The following TGFBR3 variants were observed in gnomAD, a reference collection of about 807,000 sequenced individuals.
The protein encoded by TGFBR3 is transforming growth factor beta receptor type 3.
Under a neutral mutation model 87.9 loss-of-function variants are expected in TGFBR3, and 46 were observed. The ratio of observed to expected loss-of-function variants is 0.52; its 90% CI spans 0.41 to 0.67. The LOEUF (loss-of-function observed/expected upper bound fraction) is 0.67, where lower values mean the gene tolerates loss of function less well. Ranked by LOEUF, TGFBR3 falls within the 30% of genes least tolerant of loss-of-function variation. TGFBR3 has a pLI of 0.00. For synonymous variants in TGFBR3, 381 were observed against 391.6 expected (o/e 0.97, Z 0.32); for missense variants, 866 against 1,041.9 (o/e 0.83, Z 2.32).
At chr1:91,807,386 T>C (rs1055909154) in intron 2 of TGFBR3, among the ~76,000 whole-genome samples, 2 of 152,232 alleles carry the variant, frequency 1.3e-5, no homozygotes, top group Admixed American at 1.3e-4. Context: ...AAGCAAAATC[T>C]ACATCCAAAC....
At chr1:91,720,685 A>G (rs1672339028) in intron 8 of TGFBR3, among the ~76,000 whole-genome samples, 1 of 152,242 alleles carries the variant, frequency 6.6e-6, no homozygotes, top group South Asian at 2.1e-4. Context: ...CCAATGGAAC[A>G]GACAGTTTCT....
At chr1:91,706,291 A>G (rs117462503) in intron 14 of TGFBR3, among the ~76,000 whole-genome samples, 1,645 of 152,306 alleles carry the variant, frequency 0.011, 54 homozygotes, top group East Asian at 0.096. Context: ...GTCACAAGAT[A>G]CAGGTCATAA....
chr1:91,712,934 T>C (rs1672034331), intron 12 of TGFBR3, among the ~76,000 whole-genome samples: 1 of 152,248 alleles, frequency 6.6e-6, no homozygotes, highest in African/African-American at 2.4e-5. Context: ...AGTACAACAC[T>C]TATAAGCTAA....
At chr1:91,844,236 T>C (rs766039279) in intron 2 of TGFBR3, among the ~76,000 whole-genome samples, 1 of 152,240 alleles carries the variant, frequency 6.6e-6, no homozygotes, top group Non-Finnish European at 1.5e-5. Flanking sequence ...ACTTTAGCAA[T>C]AGCCTTAGTT....
intron 2 of TGFBR3, among the ~76,000 whole-genome samples, chr1:91,837,801 G>A (rs1677116090): frequency 7.4e-6 from 1 of 134,836 alleles, no homozygotes; most frequent in Non-Finnish European, 1.7e-5. Context: ...TAATAATCAT[G>A]AAAACTTCTA....
At chr1:91,700,157 T>G (rs921991733) in intron 14 of TGFBR3, among the ~76,000 whole-genome samples, 6 of 152,184 alleles carry the variant, frequency 3.9e-5, no homozygotes, top group African/African-American at 1.4e-4. Context: ...AAATAAAAAA[T>G]AATCACTATC....
intron 3 of TGFBR3, among the ~76,000 whole-genome samples, chr1:91,782,906 C>T (rs1307715177): frequency 3.3e-5 from 5 of 152,186 alleles, no homozygotes; most frequent in Non-Finnish European, 4.4e-5. Flanking sequence ...TCCACGTAAA[C>T]GGGTCCACAG....
chr1:91,689,573 G>A (rs2810890), intron 16 of TGFBR3, among the ~76,000 whole-genome samples: 138,621 of 152,258 alleles, frequency 0.91, 63,236 homozygotes, highest in South Asian at 0.94. Context: ...AAGAAAAACC[G>A]AAACACATGT....
chr1:91,771,975 G>A (rs544035568), intron 3 of TGFBR3, among the ~76,000 whole-genome samples: 2 of 152,086 alleles, frequency 1.3e-5, no homozygotes, highest in Admixed American at 6.5e-5. Context: ...GGATCTAAGG[G>A]GTCCAGACAA....
chr1:91,709,981 A>T (rs1291352860), intron 13 of TGFBR3, among the ~76,000 whole-genome samples: 1 of 152,008 alleles, frequency 6.6e-6, no homozygotes, highest in East Asian at 1.9e-4. Context: ...CTGGTCTCGA[A>T]CTCCCAGCAA....
At chr1:91,842,812 AG>A (rs1418580951) in intron 2 of TGFBR3, among the ~76,000 whole-genome samples, 2 of 152,242 alleles carry the variant, frequency 1.3e-5, no homozygotes, top group African/African-American at 4.8e-5. Flanking sequence ...TCAAAGGAAT[AG>A]GTATAATTAG....
chr1:91,880,459 G>T (rs1182867752), intron 1 of TGFBR3, among the ~76,000 whole-genome samples: 1 of 152,000 alleles, frequency 6.6e-6, no homozygotes, highest in Non-Finnish European at 1.5e-5. Flanking sequence ...TTAGCTGGGC[G>T]TGGTGGCGGG....
chr1:91,892,718 C>T (rs758562363), intron 2 of TGFBR3, among the ~76,000 whole-genome samples: 1 of 152,078 alleles, frequency 6.6e-6, no homozygotes, highest in African/African-American at 2.4e-5. Context: ...TTGATTGTTT[C>T]GTAATGAACA....
chr1:91,885,983 T>C lies in TGFBR3; in HGVS notation c.-219A>G. 2.2e-6 allele frequency: 1 copy of C among 452,584 alleles called. No individual in the cohort carries two copies. 28.0% of individuals were successfully genotyped at this position (452,584 alleles called of 1,614,324 possible). Reference sequence around the variant, plus strand: ...GGCGGCGGCGAGCTCCGGCAGCTGCTGCGCCGCGGCAAAACTACGCCATCC... The same window carrying C: ...GGCGGCGGCGAGCTCCGGCAGCTGCCGCGCCGCGGCAAAACTACGCCATCC... On this transcript the variant is annotated 5_prime_UTR_variant, in exon 1 of 17. Coordinates refer to ENST00000212355, the MANE Select transcript of TGFBR3 (RefSeq NM_003243.5).
intron 3 of TGFBR3, among the ~76,000 whole-genome samples, chr1:91,796,263 C>T (rs1415175791): frequency 6.6e-6 from 1 of 152,064 alleles, no homozygotes; most frequent in Non-Finnish European, 1.5e-5. Flanking sequence ...ATTTTTGAGC[C>T]ACAGGAAAGA....
chr1:91,872,598 T>G (rs1678624517), intron 1 of TGFBR3, among the ~76,000 whole-genome samples: 1 of 152,222 alleles, frequency 6.6e-6, no homozygotes, highest in Non-Finnish European at 1.5e-5. Flanking sequence ...TGGAAGGGAC[T>G]GTGTAACCAG....
chr1:91,870,695 G>A (rs1338797041), intron 1 of TGFBR3, among the ~76,000 whole-genome samples: 2 of 152,092 alleles, frequency 1.3e-5, no homozygotes, highest in African/African-American at 4.8e-5. Flanking sequence ...AGAAAGGTGA[G>A]GCTTCAAGAT....
rs981859891 is a variant in TGFBR3 at position 91,903,053 on chromosome 1, C to T, written c.-175+2773G>A. Among the ~76,000 whole-genome samples, 8 of 150,508 alleles carry T rather than the reference C, an allele frequency of 5.3e-5. 1 individual carries two copies. Among genetic ancestry groups the T allele is most frequent in the African/African-American group, 1.7e-4 (7 of 40,910 alleles). On this transcript the variant is annotated intron_variant, in intron 1 of 17. Transcript: ENST00000370399. Reference sequence around the variant, plus strand: ...AAAAAAAAAAAAAAAAAATTGAGGCCGGGCATGGTGGCTCAAGCCTGTAAT... The same window carrying T: ...AAAAAAAAAAAAAAAAAATTGAGGCTGGGCATGGTGGCTCAAGCCTGTAAT...
chr1:91,746,468 C>A (rs181382572), intron 4 of TGFBR3, among the ~76,000 whole-genome samples: 15 of 152,218 alleles, frequency 9.9e-5, no homozygotes, highest in Admixed American at 9.8e-4. Context: ...GAAGAGCTTA[C>A]CCCCAAATTC....
Sources: gnomAD v4.1 joint callset for allele counts (sites outside exome capture counted in the v4.1 genomes callset) on GRCh38, gnomAD v4.1.1 for gene constraint, MANE v1.5 for transcripts, NCBI Gene and HGNC (gene_info 2026-07-23, HGNC 2026-07-21) for gene names.